Variants in U2SURP observed in about 807,000 individuals in gnomAD.
U2SURP encodes the protein U2 snRNP-associated SURP motif-containing protein.
U2SURP carries 9 observed loss-of-function variants against 144.9 expected under a neutral mutation model. The observed-to-expected ratio is 0.06, with a 90% CI of 0.04 to 0.11. U2SURP has a LOEUF of 0.11. Ranked by LOEUF, U2SURP falls within the 10% of genes least tolerant of loss-of-function variation. The probability of loss-of-function intolerance (pLI) is 1.00; values close to 1 mark genes in which losing one functional copy is unlikely to be tolerated. For synonymous variants in U2SURP, 408 were observed against 396.8 expected (o/e 1.03, Z -0.33); for missense variants, 724 against 1,226.7 (o/e 0.59, Z 6.12).
chr3:143,059,772 C>A lies in U2SURP; in HGVS notation c.*3322C>A, dbSNP rs1935301223. On this transcript the variant is annotated 3_prime_UTR_variant, in exon 28 of 28. Transcript: ENST00000473835. ...TAAGTTTTAGTGAAAAGCCTAATTA[C>A]AGAAAATTGTGCAGATACTAGTGAA... The A allele has an allele frequency of 6.6e-6, 1 of 151,896 alleles. No homozygotes were observed. The highest frequency in any genetic ancestry group is 1.5e-5 in the Non-Finnish European group (1 of 67,812). The allele number at this position is 151,896 out of a possible 1,614,324, so 9.4% of individuals were successfully genotyped here.
intron 4 of U2SURP, among the ~76,000 whole-genome samples, chr3:143,015,347 T>C (rs1936315959): frequency 6.6e-6 from 1 of 152,122 alleles, no homozygotes; most frequent in Non-Finnish European, 1.5e-5. Context: ...TTGATTGTCT[T>C]TTTATTTTGC....
chr3:143,055,246 TAC>T (rs1935086383), intron 27 of U2SURP, 127 bp downstream of exon 27: 1 of 824,786 alleles, frequency 1.2e-6, no homozygotes, highest in Non-Finnish European at 1.9e-6. Flanking sequence ...ACCAAAGAGA[TAC>T]ACTTTCATTT....
intron 16 of U2SURP, 135 bp downstream of exon 16, chr3:143,028,781 C>CA (rs1933307634): frequency 1.4e-6 from 1 of 714,508 alleles, no homozygotes; most frequent in South Asian, 2.2e-5. Context: ...TAACATCTTT[C>CA]ATCATGTGCT....
chr3:143,013,755 T>G (rs926268962), intron 3 of U2SURP, among the ~76,000 whole-genome samples: 1 of 152,116 alleles, frequency 6.6e-6, no homozygotes, highest in Admixed American at 6.6e-5. Context: ...GCTGAAACTT[T>G]AAATATTGTA....
chr3:143,045,525 A>C (rs1934388425), intron 24 of U2SURP, among the ~76,000 whole-genome samples: 2 of 152,136 alleles, frequency 1.3e-5, no homozygotes, highest in Non-Finnish European at 2.9e-5. Context: ...CTGTTTCCTT[A>C]TTAACTTAAA....
chr3:143,034,994 T>C lies in U2SURP; in HGVS notation c.1941+19T>C, dbSNP rs1371931844. 2 of 1,037,068 alleles carry C rather than the reference T, an allele frequency of 1.9e-6. No individual in the cohort carries two copies. The highest frequency in any genetic ancestry group is 5.1e-5 in the East Asian group (1 of 19,578). The allele number at this position is 1,037,068 out of a possible 1,614,324, so 64.2% of individuals were successfully genotyped here. A position where few individuals can be genotyped will look rare whatever the true frequency, so the allele number is the denominator to read the frequency against. ...CTTTAAGGTACGTTTATTGTTTTACTATTTTTGCCCTAGTGTTTTAAATGG... is the reference window on the plus strand; with the variant it reads ...CTTTAAGGTACGTTTATTGTTTTACCATTTTTGCCCTAGTGTTTTAAATGG... On this transcript the variant is annotated intron_variant, in intron 19 of 27. Transcript: ENST00000473835.
chr3:143,057,407 C>T lies in U2SURP; in HGVS notation c.*957C>T, dbSNP rs957737316. The T allele has an allele frequency of 6.6e-6, 1 of 151,642 alleles. No individual in the cohort carries two copies. Among genetic ancestry groups the T allele is most frequent in the Non-Finnish European group, 1.5e-5 (1 of 67,656 alleles). The allele number at this position is 151,642 out of a possible 1,614,324, so 9.4% of individuals were successfully genotyped here. A position where few individuals can be genotyped will look rare whatever the true frequency, so the allele number is the denominator to read the frequency against. The stretch of plus-strand genomic sequence containing the variant: ...TTAAACAGCTTAGTTGGTCCCCCCC[C>T]ACTCCCAAGAGACTTGGGTTTAGTT... On this transcript the variant is annotated 3_prime_UTR_variant, in exon 28 of 28. Coordinates refer to ENST00000473835, the MANE Select transcript of U2SURP (RefSeq NM_001080415.2).
chr3:143,053,032 C>T (rs1387146792), intron 25 of U2SURP, among the ~76,000 whole-genome samples: 1 of 144,374 alleles, frequency 6.9e-6, no homozygotes, highest in African/African-American at 2.6e-5. Context: ...GTAATTGGTA[C>T]TTGTTTCCCA....
chr3:143,034,790 G>C, intron 18 of U2SURP, 98 bp from the exon 19 acceptor site: 1 of 688,758 alleles, frequency 1.5e-6, no homozygotes, highest in South Asian at 1.9e-5. Flanking sequence ...TGATTTGTAA[G>C]TATTTTAAGT....
chr3:143,037,310 T>G lies in U2SURP; in HGVS notation c.2196T>G (p.Leu732=), dbSNP rs1388895852. ...TTGATGGAGTCCCTATAAAAAGTCT[T>G]GATGATGATCTTGATGGAGTGCCTT... ...DDLDGVPIKS[L]DDDLDGVPLD... is the part of the protein sequence containing the mutation. The change falls in exon 21 of 28, where the codon CTT becomes CTG. Residue 732 remains leucine (L), a synonymous_variant. Transcript: ENST00000473835. 1.2e-6 allele frequency: 2 copies of G among 1,612,432 alleles called. No homozygotes were observed. The highest frequency in any genetic ancestry group is 3.3e-5 in the Admixed American group (2 of 59,776).
rs775257241 is a variant in U2SURP, at chr3:143,019,966, T to C, written c.571-3T>C. On this transcript the variant is annotated splice_region_variant and splice_polypyrimidine_tract_variant and intron_variant, in intron 6 of 27. Transcript: ENST00000473835. ...GAAGTATAACTTGTCATATCCTTTATAGCCACTTAAAAAAGGAGAGAAAGA... is the reference window on the plus strand; with the variant it reads ...GAAGTATAACTTGTCATATCCTTTACAGCCACTTAAAAAAGGAGAGAAAGA... 63 of 1,500,802 alleles carry C rather than the reference T, an allele frequency of 4.2e-5. No homozygotes were observed. The highest frequency in any genetic ancestry group is 5.3e-5 in the Non-Finnish European group (59 of 1,115,046). The allele number at this position is 1,500,802 out of a possible 1,614,324, so 93.0% of individuals were successfully genotyped here.
intron 7 of U2SURP, 147 bp downstream of exon 7, chr3:143,020,183 G>A: frequency 1.9e-6 from 1 of 537,016 alleles, no homozygotes; most frequent in East Asian, 3.3e-5. Flanking sequence ...TATTTGGTGG[G>A]CTATCTTTGA....
chr3:143,053,531 G>T, intron 25 of U2SURP, 145 bp from the exon 26 acceptor site: 1 of 505,532 alleles, frequency 2.0e-6, no homozygotes, highest in East Asian at 3.5e-5. Context: ...CCCTGAAGGG[G>T]TAGATTTTTT....
intron 25 of U2SURP, among the ~76,000 whole-genome samples, chr3:143,051,548 G>T (rs1436582857): frequency 2.1e-5 from 3 of 145,438 alleles, no homozygotes; most frequent in Non-Finnish European, 4.5e-5. Flanking sequence ...TTATAGGCAT[G>T]TGCAGAGAAT....
intron 4 of U2SURP, among the ~76,000 whole-genome samples, chr3:143,015,138 A>G (rs1156803650): frequency 2.0e-5 from 3 of 152,112 alleles, no homozygotes; most frequent in African/African-American, 7.2e-5. Flanking sequence ...CACTGCCAGT[A>G]GAGGACTTTT....
intron 17 of U2SURP, 85 bp from the exon 18 acceptor site, chr3:143,033,186 C>A: frequency 1.1e-6 from 1 of 912,806 alleles, no homozygotes; most frequent in South Asian, 1.6e-5. Flanking sequence ...CTTCATATAA[C>A]TCTTCTAATT....
chr3:143,047,136 C>G (rs1417101142), intron 24 of U2SURP, among the ~76,000 whole-genome samples: 9 of 84,170 alleles, frequency 1.1e-4, no homozygotes, highest in East Asian at 4.0e-4. Context: ...CAGAGGCGCC[C>G]CTCACCTCCC....
chr3:143,018,582 G>C (rs1457203744), intron 6 of U2SURP, among the ~76,000 whole-genome samples: 1 of 151,960 alleles, frequency 6.6e-6, no homozygotes, highest in African/African-American at 2.4e-5. Context: ...CACACACCGA[G>C]AAGTGGAATT....
chr3:143,021,220 T>C (rs1936614028), intron 8 of U2SURP, 130 bp from the exon 9 acceptor site: 2 of 1,003,328 alleles, frequency 2.0e-6, no homozygotes, highest in African/African-American at 1.6e-5. Context: ...AACAGAGTTG[T>C]GTGAAGTGGT....
Sources: allele counts gnomAD v4.1 joint callset (sites outside exome capture counted in the v4.1 genomes callset), GRCh38; gene constraint gnomAD v4.1.1; transcripts MANE v1.5; gene names NCBI Gene and HGNC (gene_info 2026-07-23, HGNC 2026-07-21).